ZNF558: variants seen among roughly 807,000 people sequenced by gnomAD.
ZNF558 encodes the protein zinc finger protein 558.
Under a neutral mutation model 37.6 loss-of-function variants are expected in ZNF558, and 23 were observed. That is an observed-to-expected ratio of 0.61 (90% CI 0.44 to 0.87). The LOEUF (loss-of-function observed/expected upper bound fraction) is 0.87, where lower values mean the gene tolerates loss of function less well. ZNF558 is among the 40% of genes least tolerant of loss of function. The probability of loss-of-function intolerance (pLI) is 0.00; values close to 1 mark genes in which losing one functional copy is unlikely to be tolerated. For missense variants in ZNF558, 429 were observed against 483.7 expected (o/e 0.89, Z 1.06); for synonymous variants, 189 against 174.4 (o/e 1.08, Z -0.66).
At chr19:8,818,787 T>C (rs1242797343) in intron 7 of ZNF558, among the ~76,000 whole-genome samples, 1 of 152,208 alleles carries the variant, frequency 6.6e-6, no homozygotes, top group Non-Finnish European at 1.5e-5. Context: ...CCCTGCACTT[T>C]GGGAGGCCCA....
chr19:8,821,221 C>G lies in ZNF558; in HGVS notation c.206G>C (p.Arg69Thr). ...LLDPAQRTLY[R>T]DVMLENCRNL... The stretch of plus-strand genomic sequence containing the variant: ...CCTGCAGTTCTCCAGCATCACATCC[C>G]TGTACAGTGTCCTTTGGGCAGGGTC... Residue 69 changes from arginine to threonine, a missense_variant, in exon 7 of 10, where the codon AGG becomes ACG. Physicochemically the swap from Arg to Thr is moderately conservative, Grantham distance 71 (BLOSUM62 -1). Coordinates refer to ENST00000601372, the MANE Select transcript of ZNF558 (RefSeq NM_144693.3). The G allele has an allele frequency of 3.1e-6, 5 of 1,614,192 alleles. No individual in the cohort carries two copies. The highest frequency in any genetic ancestry group is 4.2e-6 in the Non-Finnish European group (5 of 1,180,036).
intron 2 of ZNF558, among the ~76,000 whole-genome samples, chr19:8,825,526 A>G (rs571165014): frequency 1.2e-4 from 19 of 152,344 alleles, no homozygotes; most frequent in African/African-American, 4.1e-4. Context: ...TGAAAAAAAA[A>G]TCAAGGTACA....
At chr19:8,828,063 T>A (rs1000326254) in intron 2 of ZNF558, among the ~76,000 whole-genome samples, 1 of 152,166 alleles carries the variant, frequency 6.6e-6, no homozygotes, top group South Asian at 2.1e-4. Flanking sequence ...AACTTGGAGA[T>A]GGAGCAGCAA....
At chr19:8,821,412 A>C in intron 6 of ZNF558, 106 bp from the exon 7 acceptor site, 1 of 1,604,374 alleles carries the variant, frequency 6.2e-7, no homozygotes, top group Non-Finnish European at 8.5e-7. Flanking sequence ...CCTGAGCACG[A>C]GATGTTGGGG....
At chr19:8,833,206 A>G (rs1390074541), upstream of ZNF558, 1 of 152,186 alleles carries the variant, frequency 6.6e-6, no homozygotes, top group Non-Finnish European at 1.5e-5. Context: ...TAGATTGTTG[A>G]TACAGTTACT....
In ZNF558 at chr19:8,821,293, A is replaced by G; in HGVS notation, c.134T>C (p.Phe45Ser). The stretch of plus-strand genomic sequence containing the variant: ...GGTGAACTCCACGGCCACATCCTCG[A>G]AGGTTACCAAGCCCTAAAGCATTGC... ...LTSWLRGLVT[F>S]EDVAVEFTQE... The change falls in exon 7 of 10, where the codon TTC becomes TCC. Residue 45 changes from phenylalanine to serine, a missense_variant. Physicochemically the swap from Phe to Ser is radical, Grantham distance 155. Coordinates refer to ENST00000601372, the MANE Select transcript of ZNF558 (RefSeq NM_144693.3). The G allele has an allele frequency of 6.2e-7, 1 of 1,614,158 alleles. No individual in the cohort carries two copies. Among genetic ancestry groups the G allele is most frequent in the Non-Finnish European group, 8.5e-7 (1 of 1,180,026 alleles).
intron 7 of ZNF558, among the ~76,000 whole-genome samples, 160 bp downstream of exon 7, chr19:8,821,020 C>A (rs1374383621): frequency 6.6e-6 from 1 of 151,962 alleles, no homozygotes. Context: ...TTGCACAATA[C>A]CATGAATGTA....
At chr19:8,814,733 A>C (rs1225059782) in intron 7 of ZNF558, among the ~76,000 whole-genome samples, 3 of 152,132 alleles carry the variant, frequency 2.0e-5, no homozygotes, top group African/African-American at 7.2e-5. Context: ...ACGTAAAGAG[A>C]CTAGAAGTTT....
In ZNF558 at chr19:8,811,227, A is replaced by G; in HGVS notation, c.*54T>C. 1 of 1,501,994 alleles carries G rather than the reference A, an allele frequency of 6.7e-7. No homozygotes were observed. The highest frequency in any genetic ancestry group is 8.9e-7 in the Non-Finnish European group (1 of 1,121,656). The allele number at this position is 1,501,994 out of a possible 1,614,324, so 93.0% of individuals were successfully genotyped here. ...TATCCAGTGTGAGCTCTCTCAAACT[A>G]TCTTAGGGATGAAAGATCAATGAGT... On this transcript the variant is annotated 3_prime_UTR_variant, in exon 10 of 10. Coordinates refer to ENST00000601372, the MANE Select transcript of ZNF558 (RefSeq NM_144693.3).
At chr19:8,821,977 T>G in intron 6 of ZNF558, 26 bp downstream of exon 6, 1 of 1,613,222 alleles carries the variant, frequency 6.2e-7, no homozygotes, top group Non-Finnish European at 8.5e-7. Context: ...GGAATAATGA[T>G]TTGGGAAAAG....
upstream of ZNF558, among the ~76,000 whole-genome samples, chr19:8,834,146 GA>G (rs1196219195): frequency 3.3e-5 from 5 of 152,120 alleles, no homozygotes; most frequent in Admixed American, 2.6e-4. Context: ...CGTCCTTTCA[GA>G]AAAAAATAGT....
In ZNF558 at chr19:8,818,835, A is replaced by G. The variant is rs149072525; in HGVS notation, c.247+2345T>C. On this transcript the variant is annotated intron_variant, in intron 7 of 9. Coordinates refer to ENST00000601372, the MANE Select transcript of ZNF558 (RefSeq NM_144693.3). ...ACTTGAGGTCAGGAGTTCGAGATAT[A>G]CAGACCAATGGAACAGAATTGAGAG... 3.2e-4 allele frequency among the ~76,000 whole-genome samples: 49 copies of G among 152,310 alleles called. No homozygotes were observed. The East Asian group carries it at 9.3e-3, about 29-fold the overall frequency.
At chr19:8,830,620 G>C (rs1023896324) in intron 2 of ZNF558, 1 of 152,188 alleles carries the variant, frequency 6.6e-6, no homozygotes, top group African/African-American at 2.4e-5. Flanking sequence ...AGCTGGGTGC[G>C]GTGGCTCTTG....
chr19:8,825,189 T>C (rs769794657), intron 2 of ZNF558, 81 bp from the exon 3 acceptor site: 1 of 152,158 alleles, frequency 6.6e-6, no homozygotes, highest in African/African-American at 2.4e-5. Flanking sequence ...TAGAAATCTA[T>C]CTCAAAGGTA....
Position 8,832,191 on chromosome 19 carries a change from C to A in ZNF558, c.-593+18G>T, listed in dbSNP as rs1172347852. ...GTCGCCCCCTGGACTCGGACCCGAGCCCCCGCCAGTCGCTCACCGAGCCCG... is the reference window on the plus strand; with the variant it reads ...GTCGCCCCCTGGACTCGGACCCGAGACCCCGCCAGTCGCTCACCGAGCCCG... On this transcript the variant is annotated intron_variant, in intron 1 of 9. Transcript: ENST00000601372. The A allele has an allele frequency of 6.6e-6, 1 of 152,200 alleles. No homozygotes were observed. Among genetic ancestry groups the A allele is most frequent in the Non-Finnish European group, 1.5e-5 (1 of 68,030 alleles). The allele number at this position is 152,200 out of a possible 1,614,324, so 9.4% of individuals were successfully genotyped here. A position where few individuals can be genotyped will look rare whatever the true frequency, so the allele number is the denominator to read the frequency against.
rs1340380224 is a variant in ZNF558 at position 8,812,051 on chromosome 19, G to C, written c.439C>G (p.Arg147Gly). Residue 147 changes from arginine to glycine, a missense_variant, in exon 10 of 10, where the codon CGT becomes GGT. By Grantham distance (125) the Arg-to-Gly change is moderately radical (BLOSUM62 -2). Coordinates refer to ENST00000601372, the MANE Select transcript of ZNF558 (RefSeq NM_144693.3). Reference protein sequence around the residue: ...SKGVKTERSHRGVKLNECNQC... With the variant: ...SKGVKTERSHGGVKLNECNQC... Reference sequence around the variant, plus strand: ...TTACATTCATTGAGTTTCACTCCACGATGACTTCTTTCCTGTGGATTAAGA... The same window carrying C: ...TTACATTCATTGAGTTTCACTCCACCATGACTTCTTTCCTGTGGATTAAGA... 3 of 1,585,176 alleles carry C rather than the reference G, an allele frequency of 1.9e-6. No individual in the cohort carries two copies. Among genetic ancestry groups the C allele is most frequent in the Non-Finnish European group, 2.6e-6 (3 of 1,165,646 alleles).
chr19:8,808,437 C>T lies in ZNF558; in HGVS notation c.*2844G>A, dbSNP rs1265230538. 2 of 152,004 alleles carry T rather than the reference C, an allele frequency of 1.3e-5. No individual in the cohort carries two copies. The highest frequency in any genetic ancestry group is 1.9e-4 in the East Asian group (1 of 5,196). The allele number at this position is 152,004 out of a possible 1,614,324, so 9.4% of individuals were successfully genotyped here. The stretch of plus-strand genomic sequence containing the variant: ...ACCTAATCCTGTATGCATCTAGTTA[C>T]ATAATGTCAAAATATATAAAAATGA... On this transcript the variant is annotated 3_prime_UTR_variant, in exon 10 of 10. Transcript: ENST00000601372.
upstream of ZNF558, among the ~76,000 whole-genome samples, chr19:8,836,339 TTCTTCC>T (rs1242233944): frequency 1.3e-5 from 2 of 152,028 alleles, no homozygotes; most frequent in Non-Finnish European, 1.5e-5. Flanking sequence ...AGTTCTTCTC[TTCTTCC>T]TCTTCCTCCT....
chr19:8,832,853 G>A (rs1363634057), upstream of ZNF558, among the ~76,000 whole-genome samples: 1 of 152,158 alleles, frequency 6.6e-6, no homozygotes, highest in Admixed American at 6.5e-5. Context: ...GGTTGGGGCT[G>A]GCTGTGGGCG....
Sources: allele counts gnomAD v4.1 joint callset (sites outside exome capture counted in the v4.1 genomes callset), GRCh38; gene constraint gnomAD v4.1.1; transcripts MANE v1.5; gene names NCBI Gene and HGNC (gene_info 2026-07-23, HGNC 2026-07-21).